Variants in PRKG1 observed in about 807,000 individuals in gnomAD.
PRKG1 encodes cGMP-dependent protein kinase 1.
In PRKG1, 35 loss-of-function variants were observed where a neutral mutation model predicts 88.1. That is an observed-to-expected ratio of 0.40 (90% CI 0.30 to 0.53). The LOEUF (loss-of-function observed/expected upper bound fraction) is 0.53. Among genes scored for constraint, PRKG1 ranks in the 20% least tolerant of loss-of-function variants. The probability of loss-of-function intolerance (pLI) is 0.59; values close to 1 mark genes in which losing one functional copy is unlikely to be tolerated. For missense variants in PRKG1, 540 were observed against 839.8 expected (o/e 0.64, Z 4.41); for synonymous variants, 303 against 292.5 (o/e 1.04, Z -0.37).
chr10:51,896,645 T>TAA (rs10649150), intron 4 of PRKG1, among the ~76,000 whole-genome samples: 20,198 of 94,802 alleles, frequency 0.21, 2,222 homozygotes, highest in African/African-American at 0.29. Context: ...CCCTGTCTCT[T>TAA]AAAAAAAAAA....
chr10:51,585,553 T>C (rs1338703966), intron 3 of PRKG1, among the ~76,000 whole-genome samples: 1 of 152,146 alleles, frequency 6.6e-6, no homozygotes, highest in African/African-American at 2.4e-5. Flanking sequence ...TTTCTGCGAA[T>C]TCCAGGAGCT....
intron 2 of PRKG1, among the ~76,000 whole-genome samples, chr10:51,156,279 CGAA>C (rs1322812007): frequency 1.4e-5 from 1 of 73,948 alleles, no homozygotes; most frequent in Non-Finnish European, 2.9e-5. Flanking sequence ...AGGAAGCAAA[CGAA>C]GTTATTTGAT....
At chr10:51,535,915 G>T (rs1490089358) in intron 3 of PRKG1, among the ~76,000 whole-genome samples, 1 of 151,874 alleles carries the variant, frequency 6.6e-6, no homozygotes, top group Non-Finnish European at 1.5e-5. Context: ...TAGAGAGGGG[G>T]TTTCACCATA....
intron 3 of PRKG1, among the ~76,000 whole-genome samples, chr10:51,763,287 G>A (rs1564637228): frequency 6.6e-6 from 1 of 151,886 alleles, no homozygotes; most frequent in Non-Finnish European, 1.5e-5. Flanking sequence ...GCTAGAGCGT[G>A]GTGGCACAAT....
chr10:51,233,944 G>C (rs1810758065), intron 2 of PRKG1, among the ~76,000 whole-genome samples: 1 of 152,054 alleles, frequency 6.6e-6, no homozygotes, highest in African/African-American at 2.4e-5. Context: ...CAAGAGTCTG[G>C]AGATCTTATG....
intron 1 of PRKG1, among the ~76,000 whole-genome samples, chr10:51,046,817 T>C (rs759142655): frequency 6.6e-6 from 1 of 152,214 alleles, no homozygotes; most frequent in Non-Finnish European, 1.5e-5. Flanking sequence ...TTGGAGAATA[T>C]TAAGTACTCT....
intron 4 of PRKG1, among the ~76,000 whole-genome samples, chr10:51,812,962 G>T (rs192960060): frequency 9.8e-4 from 149 of 152,202 alleles, no homozygotes; most frequent in African/African-American, 3.6e-3. Flanking sequence ...CATCTTCAAG[G>T]TTCTCCTCTC....
intron 3 of PRKG1, among the ~76,000 whole-genome samples, chr10:51,743,343 C>T (rs749150174): frequency 6.6e-6 from 1 of 151,900 alleles, no homozygotes; most frequent in Non-Finnish European, 1.5e-5. Context: ...CAGTGCTGCC[C>T]TTTCAGTTTC....
chr10:51,712,730 T>C (rs913587030), intron 3 of PRKG1, among the ~76,000 whole-genome samples: 2 of 151,514 alleles, frequency 1.3e-5, no homozygotes, highest in Non-Finnish European at 2.9e-5. Context: ...GCTGGGACTA[T>C]AGGCGCCCGC....
At chr10:51,436,418 C>T (rs1701194657) in intron 2 of PRKG1, among the ~76,000 whole-genome samples, 1 of 151,376 alleles carries the variant, frequency 6.6e-6, no homozygotes, top group Admixed American at 6.6e-5. Flanking sequence ...ATCAACATGC[C>T]TTTAAAAGTA....
intron 5 of PRKG1, among the ~76,000 whole-genome samples, chr10:51,923,409 T>A (rs191828340): frequency 6.6e-6 from 1 of 151,532 alleles, no homozygotes; most frequent in African/African-American, 2.4e-5. Context: ...TAATTTGAAA[T>A]AATATCTATC....
intron 2 of PRKG1, among the ~76,000 whole-genome samples, chr10:51,198,922 CA>C (rs1479005427): frequency 6.6e-6 from 1 of 152,146 alleles, no homozygotes; most frequent in East Asian, 1.9e-4. Context: ...TATCAAGAAT[CA>C]TTTTTTTAAG....
At chr10:51,863,859 C>G (rs55958346) in intron 4 of PRKG1, among the ~76,000 whole-genome samples, 303 of 152,334 alleles carry the variant, frequency 2.0e-3, no homozygotes, top group African/African-American at 7.0e-3. Context: ...TTAGCTTCAA[C>G]TCTGTCCTTC....
chr10:51,524,478 C>A (rs1158150887), intron 3 of PRKG1, among the ~76,000 whole-genome samples: 1 of 152,142 alleles, frequency 6.6e-6, no homozygotes, highest in East Asian at 1.9e-4. Flanking sequence ...GTCTGTGTAG[C>A]AATAAAAGTG....
At chr10:51,273,893 G>C (rs1483528357) in intron 2 of PRKG1, among the ~76,000 whole-genome samples, 2 of 152,214 alleles carry the variant, frequency 1.3e-5, no homozygotes, top group Non-Finnish European at 2.9e-5. Flanking sequence ...TTCCTGAGTA[G>C]ACAGCATGAG....
At chr10:51,336,688 A>C (rs1841884468) in intron 2 of PRKG1, among the ~76,000 whole-genome samples, 1 of 152,196 alleles carries the variant, frequency 6.6e-6, no homozygotes, top group African/African-American at 2.4e-5. Flanking sequence ...AAAGAAACTT[A>C]TAGTAGTCAC....
intron 5 of PRKG1, among the ~76,000 whole-genome samples, chr10:52,037,274 T>G (rs1013255280): frequency 6.6e-6 from 1 of 152,212 alleles, no homozygotes; most frequent in Non-Finnish European, 1.5e-5. Flanking sequence ...CCGCTGCGGT[T>G]CAGGCATTTG....
At chr10:51,511,968 G>T (rs184356655) in intron 3 of PRKG1, among the ~76,000 whole-genome samples, 211 of 152,276 alleles carry the variant, frequency 1.4e-3, no homozygotes, top group African/African-American at 4.6e-3. Context: ...AAATTGCTAT[G>T]CATGACAACT....
intron 5 of PRKG1, among the ~76,000 whole-genome samples, chr10:51,916,176 G>T (rs1241050959): frequency 6.6e-6 from 1 of 152,052 alleles, no homozygotes; most frequent in African/African-American, 2.4e-5. Context: ...GACAGTTAAG[G>T]CACTCTAATT....
Sources: allele counts gnomAD v4.1 joint callset (sites outside exome capture counted in the v4.1 genomes callset), GRCh38; gene constraint gnomAD v4.1.1; transcripts MANE v1.5; gene names NCBI Gene and HGNC (gene_info 2026-07-23, HGNC 2026-07-21).